PNO1: variants seen among roughly 807,000 people sequenced by gnomAD.
The protein encoded by PNO1 is RNA-binding protein PNO1.
Under a neutral mutation model 28.4 loss-of-function variants are expected in PNO1, and 16 were observed. The observed-to-expected ratio is 0.56, with a 90% CI of 0.38 to 0.85. PNO1 has a LOEUF of 0.85. Among genes scored for constraint, PNO1 ranks in the 40% least tolerant of loss-of-function variants. The pLI is 0.00. For missense variants in PNO1, 304 were observed against 312.2 expected, an observed-to-expected ratio of 0.97 and a Z score of 0.20; for synonymous variants, 115 against 110.8, an observed-to-expected ratio of 1.04 and a Z score of -0.24.
rs916426780 is a variant in PNO1 at position 68,174,610 on chromosome 2, G to C, written c.692-125G>C. On this transcript the variant is annotated intron_variant, in intron 6 of 6. Transcript: ENST00000263657. ...TGCATATTTTTTATGTAAGAGACTT[G>C]AGCATCCAAGGATTGTGGTGTCTGT... is the stretch of plus-strand genomic sequence containing the variant. 4 of 585,888 alleles carry C rather than the reference G, an allele frequency of 6.8e-6. No individual in the cohort carries two copies. The African/African-American group carries it at 7.4e-5, about 11-fold the overall frequency. 36.3% of individuals were successfully genotyped at this position (585,888 alleles called of 1,614,324 possible). A position where few individuals can be genotyped will look rare whatever the true frequency, so the allele number is the denominator to read the frequency against.
chr2:68,166,390 G>A (rs1673997723), intron 5 of PNO1, among the ~76,000 whole-genome samples: 1 of 63,442 alleles, frequency 1.6e-5, no homozygotes, highest in Non-Finnish European at 2.6e-5. Flanking sequence ...AAGTAAGCTA[G>A]AGAAAAAATG....
intron 6 of PNO1, among the ~76,000 whole-genome samples, chr2:68,174,286 A>C (rs1474777494): frequency 1.9e-5 from 2 of 105,856 alleles, no homozygotes; most frequent in Non-Finnish European, 3.5e-5. Context: ...ATTTCTGTTA[A>C]GGTTTTTTTT....
Position 68,161,761 on chromosome 2 carries a change from G to A in PNO1, c.436G>A (p.Val146Met). The A allele has an allele frequency of 1.9e-6, 3 of 1,595,662 alleles. No individual in the cohort carries two copies. The highest frequency in any genetic ancestry group is 2.6e-6 in the Non-Finnish European group (3 of 1,163,984). Residue 146 changes from valine (V) to methionine (M), a missense_variant, in exon 3 of 7, where the codon GTG (valine) becomes ATG (methionine). Transcript: ENST00000263657. Reference protein sequence around the residue: ...FVKAFILGFQVEDALALIRLD... With the variant: ...FVKAFILGFQMEDALALIRLD... Reference sequence around the variant, plus strand: ...GAAAGCTTTTATTCTCGGCTTTCAGGTGGAGGTGAGTAATTCCATGATATC... The same window carrying A: ...GAAAGCTTTTATTCTCGGCTTTCAGATGGAGGTGAGTAATTCCATGATATC...
At position 68,175,034 on chromosome 2, in the gene PNO1, A is replaced by G. The variant is rs1269869368; in HGVS notation, c.*232A>G. ...GATTGTTATACTTAACACATTAGGT[A>G]TAATTTATCATTTATCTGAAATCAC... On this transcript the variant is annotated 3_prime_UTR_variant, in exon 7 of 7. Coordinates refer to ENST00000263657, the MANE Select transcript of PNO1 (RefSeq NM_020143.4). 5 of 405,294 alleles carry G rather than the reference A, an allele frequency of 1.2e-5. No individual in the cohort carries two copies. The highest frequency in any genetic ancestry group is 1.1e-4 in the South Asian group (2 of 18,564). 25.1% of individuals were successfully genotyped at this position (405,294 alleles called of 1,614,324 possible). A position where few individuals can be genotyped will look rare whatever the true frequency, so the allele number is the denominator to read the frequency against.
chr2:68,169,181 G>A (rs1438486848), intron 5 of PNO1, among the ~76,000 whole-genome samples: 1 of 151,790 alleles, frequency 6.6e-6, no homozygotes. Context: ...CACCCGCCTC[G>A]GGCTCCCAAA....
At chr2:68,158,216 G>A (rs1270447246) in intron 1 of PNO1, 75 bp downstream of exon 1, 2 of 1,460,586 alleles carry the variant, frequency 1.4e-6, no homozygotes, top group Non-Finnish European at 1.9e-6. Flanking sequence ...TCTGGAGAAT[G>A]TTGAAGCTGC....
chr2:68,165,365 A>G (rs1673958021), intron 5 of PNO1, among the ~76,000 whole-genome samples: 1 of 86,526 alleles, frequency 1.2e-5, no homozygotes, highest in Non-Finnish European at 2.2e-5. Flanking sequence ...CTCCGTCTCA[A>G]AAAAAAAAAA....
intron 5 of PNO1, among the ~76,000 whole-genome samples, chr2:68,165,809 AAACC>A (rs1275296983): frequency 2.0e-5 from 3 of 152,228 alleles, no homozygotes; most frequent in African/African-American, 7.2e-5. Context: ...TTTACTAGTT[AAACC>A]AACGTTTTAG....
At chr2:68,161,612 C>G (rs1673832878) in intron 2 of PNO1, 71 bp from the exon 3 acceptor site, 1 of 930,748 alleles carries the variant, frequency 1.1e-6, no homozygotes, top group Non-Finnish European at 1.8e-6. Flanking sequence ...AAGGACATTT[C>G]CAGTATTTTG....
In PNO1 at chr2:68,162,527, T is replaced by G. The variant is rs1319710995; in HGVS notation, c.503-19T>G. 7.2e-6 allele frequency: 11 copies of G among 1,535,902 alleles called. No homozygotes were observed. Among genetic ancestry groups the G allele is most frequent in the Non-Finnish European group, 9.0e-6 (10 of 1,110,142 alleles). ...CACTAGAATGGCTTGCCTCCTGAGA[T>G]CTTGCTTTTCTTGTTTAGTTAAACC... On this transcript the variant is annotated intron_variant, in intron 4 of 6. Coordinates refer to ENST00000263657, the MANE Select transcript of PNO1 (RefSeq NM_020143.4).
At chr2:68,160,102 G>A (rs1482822153) in intron 2 of PNO1, among the ~76,000 whole-genome samples, 1 of 150,868 alleles carries the variant, frequency 6.6e-6, no homozygotes, top group East Asian at 1.9e-4. Context: ...CTGAGTAGCT[G>A]GGACTACAGG....
chr2:68,174,680 T>C (rs1013699192), intron 6 of PNO1, 55 bp from the exon 7 acceptor site: 8 of 1,203,330 alleles, frequency 6.6e-6, no homozygotes, highest in Non-Finnish European at 8.6e-6. Context: ...GGGACAACTG[T>C]AGGCGCTATA....
rs1674241320 is a variant in PNO1, at chr2:68,175,132, T to C, written c.*330T>C. 1 of 179,274 alleles carries C rather than the reference T, an allele frequency of 5.6e-6. No homozygotes were observed. The highest frequency in any genetic ancestry group is 1.2e-5 in the Non-Finnish European group (1 of 86,270). 11.1% of individuals were successfully genotyped at this position (179,274 alleles called of 1,614,324 possible). ...GTTTAAACAGCTCTATATGGATTTA[T>C]ACTTTTATATTTATAAATTTATAAC... On this transcript the variant is annotated 3_prime_UTR_variant, in exon 7 of 7. Transcript: ENST00000263657.
chr2:68,161,583 A>G (rs1304813193), intron 2 of PNO1, 100 bp from the exon 3 acceptor site: 1 of 766,176 alleles, frequency 1.3e-6, no homozygotes, highest in Non-Finnish European at 2.3e-6. Flanking sequence ...GTGGTGAAGG[A>G]AATTCTCCAA....
intron 5 of PNO1, among the ~76,000 whole-genome samples, chr2:68,167,158 T>C (rs1674016639): frequency 6.6e-6 from 1 of 152,212 alleles, no homozygotes. Context: ...TTCTCTTCCA[T>C]AGCATTGACA....
At chr2:68,167,486 G>A (rs548206942) in intron 5 of PNO1, among the ~76,000 whole-genome samples, 2 of 152,288 alleles carry the variant, frequency 1.3e-5, no homozygotes, top group African/African-American at 2.4e-5. Flanking sequence ...TTCAAGGATC[G>A]GGGTTAGCAG....
chr2:68,174,490 A>G (rs1466730296), intron 6 of PNO1, among the ~76,000 whole-genome samples: 1 of 152,168 alleles, frequency 6.6e-6, no homozygotes, highest in Non-Finnish European at 1.5e-5. Flanking sequence ...TTAAAACACA[A>G]TACAGTACTA....
intron 4 of PNO1, 100 bp downstream of exon 4, chr2:68,162,425 T>TTATA (rs576350152): frequency 2.0e-5 from 19 of 964,198 alleles, no homozygotes; most frequent in African/African-American, 1.3e-4. Flanking sequence ...TTTTAGCAAC[T>TTATA]TATATATATA....
At chr2:68,163,313 C>T (rs1673884979) in intron 5 of PNO1, among the ~76,000 whole-genome samples, 1 of 152,238 alleles carries the variant, frequency 6.6e-6, no homozygotes, top group Non-Finnish European at 1.5e-5. Context: ...GGGCGGATCA[C>T]CTAAGGTCAG....
Sources: allele counts gnomAD v4.1 joint callset (sites outside exome capture counted in the v4.1 genomes callset), GRCh38; gene constraint gnomAD v4.1.1; transcripts MANE v1.5; gene names NCBI Gene and HGNC (gene_info 2026-07-23, HGNC 2026-07-21).